HLA-F: variants seen among roughly 807,000 people sequenced by gnomAD.
The protein encoded by HLA-F is HLA class I histocompatibility antigen, alpha chain F.
Under a neutral mutation model 49.5 loss-of-function variants are expected in HLA-F, and 46 were observed. The observed-to-expected ratio is 0.93, with a 90% CI of 0.73 to 1.19. The LOEUF (loss-of-function observed/expected upper bound fraction) is 1.19. Ranked by LOEUF, HLA-F falls within the 50% of genes most tolerant of loss-of-function variation. The probability of loss-of-function intolerance (pLI) is 0.00; values close to 1 mark genes in which losing one functional copy is unlikely to be tolerated. For missense variants in HLA-F, 496 were observed against 579.6 expected, an observed-to-expected ratio of 0.86 and a Z score of 1.48; for synonymous variants, 203 against 233.5, an observed-to-expected ratio of 0.87 and a Z score of 1.19.
intron 3 of HLA-F, among the ~76,000 whole-genome samples, chr6:29,733,014 C>A (rs1776754394): frequency 6.6e-6 from 1 of 151,984 alleles, no homozygotes; most frequent in Admixed American, 6.5e-5. Context: ...ATGGCAAAAC[C>A]CTGTCTCTAC....
At chr6:29,728,135 C>T (rs1776282198), downstream of HLA-F, 1 of 512,652 alleles carries the variant, frequency 2.0e-6, no homozygotes, top group Non-Finnish European at 3.9e-6. Flanking sequence ...CTGCAGTGCA[C>T]AAGTCAGCCC....
chr6:29,723,900 C>T lies in HLA-F; in HGVS notation c.307C>T (p.Leu103Phe), dbSNP rs1329848459. The T allele has an allele frequency of 1.3e-6, 2 of 1,587,780 alleles. No individual in the cohort carries two copies. The highest frequency in any genetic ancestry group is 2.3e-5 in the East Asian group (1 of 43,218). The part of the protein sequence containing the change: ...QTDRVALRNL[L>F]RRYNQSEAGS... ...TGACCGAGTGGCCCTGAGGAACCTG[C>T]TCCGCCGCTACAACCAGAGCGAGGC... The change falls in exon 2 of 7, where the codon CTC becomes TTC. Residue 103 changes from leucine (L) to phenylalanine (F), a missense_variant. By Grantham distance (22) the Leu-to-Phe change is conservative (BLOSUM62 0). Coordinates refer to ENST00000259951, the MANE Select transcript of HLA-F (RefSeq NM_001098479.2).
intron 3 of HLA-F, among the ~76,000 whole-genome samples, chr6:29,737,218 C>CAAAAAAAAAAAAAAAAAAAAAAAAA: frequency 1.5e-5 from 1 of 65,194 alleles, no homozygotes; most frequent in African/African-American, 7.4e-5. Context: ...ATCCTCATGG[C>CAAAAAAAAAAAAAAAAAAAAAAAAA]AAAAAAAAAA....
chr6:29,732,339 A>G (rs1328174572), intron 3 of HLA-F, among the ~76,000 whole-genome samples: 9 of 152,192 alleles, frequency 5.9e-5, no homozygotes, highest in Admixed American at 5.9e-4. Flanking sequence ...TTGTCAAAAT[A>G]TTACCTACAA....
At chr6:29,731,938 T>C (rs978532780), downstream of HLA-F, among the ~76,000 whole-genome samples, 2 of 152,126 alleles carry the variant, frequency 1.3e-5, no homozygotes, top group African/African-American at 2.4e-5. Flanking sequence ...CAGTCTCTGG[T>C]TTAATATTTA....
rs569795238 is a variant in HLA-F at position 29,724,547 on chromosome 6, C to T, written c.610+99C>T. On this transcript the variant is annotated intron_variant, in intron 3 of 6. Coordinates refer to ENST00000259951, the MANE Select transcript of HLA-F (RefSeq NM_001098479.2). ...AAGTGGACCCAATGCTAGGATATCG[C>T]CCTCCCTCTAGTCCTGAGTAGGAAG... 4.1e-5 allele frequency: 51 copies of T among 1,254,818 alleles called. No individual in the cohort carries two copies. In the East Asian group the frequency reaches 1.2e-3, roughly 30 times the overall value. 77.7% of individuals were successfully genotyped at this position (1,254,818 alleles called of 1,614,324 possible).
downstream of HLA-F, chr6:29,729,360 C>G (rs1286655035): frequency 6.6e-6 from 1 of 152,198 alleles, no homozygotes; most frequent in Non-Finnish European, 1.5e-5. Context: ...TATCAGTGCT[C>G]ACTGCATCTT....
intron 3 of HLA-F, among the ~76,000 whole-genome samples, chr6:29,733,226 C>G (rs1490522821): frequency 6.6e-6 from 1 of 152,116 alleles, no homozygotes; most frequent in Non-Finnish European, 1.5e-5. Context: ...CCACCACCAA[C>G]AAAATGGAAA....
chr6:29,725,216 G>T lies in HLA-F; in HGVS notation c.796G>T (p.Ala266Ser). Reference protein sequence around the residue: ...PAGDGTFQKWAAVVVPPGEEQ... With the variant: ...PAGDGTFQKWSAVVVPPGEEQ... ...AGGGGATGGAACCTTCCAGAAGTGGGCCGCTGTGGTGGTGCCTCCTGGAGA... is the reference window on the plus strand; with the variant it reads ...AGGGGATGGAACCTTCCAGAAGTGGTCCGCTGTGGTGGTGCCTCCTGGAGA... Residue 266 changes from alanine to serine, a missense_variant, in exon 4 of 7, where the codon GCC (alanine) becomes TCC (serine). Transcript: ENST00000259951. The T allele has an allele frequency of 6.2e-7, 1 of 1,614,042 alleles. No homozygotes were observed. The highest frequency in any genetic ancestry group is 8.5e-7 in the Non-Finnish European group (1 of 1,179,928).
chr6:29,725,302 A>G lies in HLA-F; in HGVS notation c.882A>G (p.Arg294=). 1 of 1,614,036 alleles carries G rather than the reference A, an allele frequency of 6.2e-7. No homozygotes were observed. The highest frequency in any genetic ancestry group is 8.5e-7 in the Non-Finnish European group (1 of 1,179,962). Residue 294 remains arginine, a synonymous_variant, in exon 4 of 7, where the codon AGA becomes AGG. Transcript: ENST00000259951. ...GGCTGCCCCAGCCCCTCATCCTGAG[A>G]TGGGGTAAGGAGGGAGATGGGTAAA... The part of the protein sequence containing the change: ...HEGLPQPLIL[R]WEQSPQPTIP...
rs1013237431 is a variant in HLA-F at position 29,726,097 on chromosome 6, C to T, written c.1036+54C>T. 27 of 1,555,734 alleles carry T rather than the reference C, an allele frequency of 1.7e-5. No homozygotes were observed. The Admixed American group carries it at 2.2e-4, about 12-fold the overall frequency. ...TTGTTGGGATATTGTGGTCAGGAGC[C>T]TATGAGGGAGCTCACCCACCCCACA... On this transcript the variant is annotated intron_variant, in intron 6 of 6. Transcript: ENST00000259951.
downstream of HLA-F, among the ~76,000 whole-genome samples, chr6:29,731,386 G>T (rs1311924167): frequency 1.3e-5 from 2 of 152,196 alleles, no homozygotes; most frequent in Non-Finnish European, 2.9e-5. Flanking sequence ...CAGTAGCCTG[G>T]CTCAGTCCAA....
chr6:29,724,117 T>C (rs541114480), intron 2 of HLA-F, 56 bp from the exon 3 acceptor site: 1 of 1,597,656 alleles, frequency 6.3e-7, no homozygotes, highest in African/African-American at 1.3e-5. Context: ...TCCCCGCGGG[T>C]TGGGCGGGGA....
chr6:29,724,925 C>A, intron 3 of HLA-F, 106 bp from the exon 4 acceptor site: 2 of 1,309,020 alleles, frequency 1.5e-6, no homozygotes, highest in Non-Finnish European at 2.1e-6. Context: ...TTCTGTGCTC[C>A]CTTCCCCACC....
chr6:29,730,729 G>A (rs745569014), downstream of HLA-F, among the ~76,000 whole-genome samples: 1 of 152,030 alleles, frequency 6.6e-6, no homozygotes, highest in Non-Finnish European at 1.5e-5. Flanking sequence ...AAGGCAGAGT[G>A]AGCCTCTCAA....
intron 3 of HLA-F, among the ~76,000 whole-genome samples, chr6:29,734,770 A>G (rs771750915): frequency 6.6e-6 from 1 of 152,182 alleles, no homozygotes; most frequent in African/African-American, 2.4e-5. Context: ...CTAGTTCCAG[A>G]GTATTTCATC....
At chr6:29,734,289 A>G (rs1776877559) in intron 3 of HLA-F, among the ~76,000 whole-genome samples, 3 of 152,204 alleles carry the variant, frequency 2.0e-5, no homozygotes, top group Admixed American at 2.0e-4. Context: ...GCATACAAAA[A>G]TTATATACTC....
At chr6:29,731,601 G>C (rs1318465857), downstream of HLA-F, among the ~76,000 whole-genome samples, 1 of 151,932 alleles carries the variant, frequency 6.6e-6, no homozygotes, top group African/African-American at 2.4e-5. Context: ...TTGGATTGTG[G>C]CTGCCCACAG....
Position 29,723,660 on chromosome 6 carries a change from TC to T in HLA-F, c.70del (p.His24ThrfsTer3). On this transcript the variant is annotated frameshift_variant, in exon 2 of 7. Coordinates refer to ENST00000259951, the MANE Select transcript of HLA-F (RefSeq NM_001098479.2). LOFTEE classifies it high-confidence loss of function. ...ALALTDTWAG[S>X]HSLRYFSTAV... is the part of the protein sequence containing the mutation. The stretch of plus-strand genomic sequence containing the variant: ...TCTCAGCCCCTCCTCGCCCCCAGGC[TC>T]CCACTCCTTGAGGTATTTCAGCACC... 1 of 1,608,114 alleles carries T rather than the reference TC, an allele frequency of 6.2e-7. No homozygotes were observed. The highest frequency in any genetic ancestry group is 1.1e-5 in the South Asian group (1 of 90,750).
Sources: allele counts gnomAD v4.1 joint callset (sites outside exome capture counted in the v4.1 genomes callset), GRCh38; gene constraint gnomAD v4.1.1; transcripts MANE v1.5; gene names NCBI Gene and HGNC (gene_info 2026-07-23, HGNC 2026-07-21).